AOX1: variants seen among roughly 807,000 people sequenced by gnomAD.
AOX1 encodes the protein aldehyde oxidase.
In AOX1, 153 loss-of-function variants were observed where a neutral mutation model predicts 169.5. That is an observed-to-expected ratio of 0.90 (90% confidence interval 0.79 to 1.03). The LOEUF (loss-of-function observed/expected upper bound fraction) is 1.03. Ranked by LOEUF, AOX1 falls within the 50% of genes least tolerant of loss-of-function variation. The pLI, the probability that AOX1 is intolerant of heterozygous loss-of-function variation, is 0.00. For missense variants in AOX1, 1,656 were observed against 1,663.9 expected, an observed-to-expected ratio of 1.00 and a Z score of 0.08; for synonymous variants, 562 against 581.9, an observed-to-expected ratio of 0.97 and a Z score of 0.49.
chr2:200,662,784 G>T, intron 30 of AOX1, 71 bp from the exon 31 acceptor site: 1 of 1,189,942 alleles, frequency 8.4e-7, no homozygotes. Context: ...AAATCCTCAT[G>T]GGTCTGTTTA....
intron 5 of AOX1, among the ~76,000 whole-genome samples, chr2:200,600,430 C>T (rs1421524764): frequency 2.6e-5 from 4 of 152,078 alleles, no homozygotes; most frequent in Non-Finnish European, 4.4e-5. Flanking sequence ...TGTCTATCCA[C>T]CCTAGAGCGT....
rs753918724 is a variant in AOX1, at chr2:200,612,801, A to T, written c.1448+8A>T. On this transcript the variant is annotated splice_region_variant and intron_variant, in intron 14 of 34. Transcript: ENST00000374700. ...CCAGAAACTCATTGGAAGGTAAGGC[A>T]TTAGAAGTAAGGGCTCCTCTAATAC... 5 of 1,611,892 alleles carry T rather than the reference A, an allele frequency of 3.1e-6. No individual in the cohort carries two copies. The highest frequency in any genetic ancestry group is 3.4e-6 in the Non-Finnish European group (4 of 1,178,944).
At chr2:200,591,002 TAC>T (rs2034160853) in intron 1 of AOX1, among the ~76,000 whole-genome samples, 1 of 152,238 alleles carries the variant, frequency 6.6e-6, no homozygotes, top group South Asian at 2.1e-4. Flanking sequence ...ATAGACAACC[TAC>T]AGTTTCTGCC....
chr2:200,621,347 T>C, intron 18 of AOX1, 101 bp downstream of exon 18: 2 of 1,152,338 alleles, frequency 1.7e-6, no homozygotes, highest in East Asian at 2.4e-5. Flanking sequence ...CATGAAAGAC[T>C]CCAGTATTCT....
intron 19 of AOX1, among the ~76,000 whole-genome samples, chr2:200,625,431 C>G (rs185289002): frequency 1.4e-4 from 22 of 152,318 alleles, no homozygotes; most frequent in Non-Finnish European, 2.8e-4. Context: ...CCACTCCCCC[C>G]ACCCTCACCA....
chr2:200,631,391 G>C (rs150162163), intron 20 of AOX1, among the ~76,000 whole-genome samples: 1 of 152,298 alleles, frequency 6.6e-6, no homozygotes, highest in East Asian at 1.9e-4. Context: ...CTGTATAAAA[G>C]GATTTGCAAG....
At chr2:200,672,078 C>A (rs1425617466), downstream of AOX1, among the ~76,000 whole-genome samples, 1 of 152,146 alleles carries the variant, frequency 6.6e-6, no homozygotes, top group East Asian at 1.9e-4. Context: ...TCCATCTATA[C>A]AAAATGTCCA....
chr2:200,606,532 G>A (rs13391622), intron 10 of AOX1, among the ~76,000 whole-genome samples: 1,640 of 152,288 alleles, frequency 0.011, 39 homozygotes, highest in African/African-American at 0.037. Flanking sequence ...GTCAATGGTA[G>A]CTTGATGGGG....
intron 5 of AOX1, among the ~76,000 whole-genome samples, chr2:200,600,436 A>G (rs2034387959): frequency 6.6e-6 from 1 of 151,404 alleles, no homozygotes; most frequent in Admixed American, 6.6e-5. Flanking sequence ...TCCACCCTAG[A>G]GCGTTTTTGT....
At chr2:200,587,921 A>G (rs1195681269) in intron 1 of AOX1, among the ~76,000 whole-genome samples, 1 of 152,148 alleles carries the variant, frequency 6.6e-6, no homozygotes, top group African/African-American at 2.4e-5. Flanking sequence ...CAATCCACTT[A>G]TTTGTTAAGG....
rs138732167 is a variant in AOX1 at position 200,619,663 on chromosome 2, C to T, written c.1705-987C>T. Among the ~76,000 whole-genome samples the T allele has an allele frequency of 3.7e-3, 565 of 152,290 alleles. 6 individuals are homozygous for T. The highest frequency in any genetic ancestry group is 0.013 in the African/African-American group (538 of 41,550). On this transcript the variant is annotated intron_variant, in intron 16 of 34. Transcript: ENST00000374700. Reference sequence around the variant, plus strand: ...TTAATGTCTGCTTTGATTAATGAAACACATTTAAGGTATTTACAGAGCCAA... The same window carrying T: ...TTAATGTCTGCTTTGATTAATGAAATACATTTAAGGTATTTACAGAGCCAA...
downstream of AOX1, among the ~76,000 whole-genome samples, chr2:200,674,106 A>T (rs1286384590): frequency 6.6e-6 from 1 of 152,258 alleles, no homozygotes; most frequent in Non-Finnish European, 1.5e-5. Context: ...CCCCAGACAC[A>T]GTGGCCCACG....
intron 18 of AOX1, 92 bp downstream of exon 18, chr2:200,621,338 A>G: frequency 6.2e-6 from 8 of 1,286,912 alleles, no homozygotes; most frequent in Non-Finnish European, 8.6e-6. Flanking sequence ...TTGGCACACC[A>G]TGAAAGACTC....
In AOX1 at chr2:200,602,309, C is replaced by G. The variant is rs201619596; in HGVS notation, c.462C>G (p.Tyr154Ter). ...GTAACCTGTGCCGTTGCACTGGATACAGGCCCATAATTGATGCATGCAAGA... is the reference window on the plus strand; with the variant it reads ...GTAACCTGTGCCGTTGCACTGGATAGAGGCCCATAATTGATGCATGCAAGA... The part of the protein sequence containing the change: ...LGGNLCRCTG[Y>*]RPIIDACKTF... The change falls in exon 6 of 35, where the codon TAC becomes TAG. Residue 154 changes from tyrosine (Y) to a stop codon, truncating the protein, a stop_gained. Transcript: ENST00000374700. LOFTEE classifies it high-confidence loss of function. 8.1e-6 allele frequency: 13 copies of G among 1,613,928 alleles called. No homozygotes were observed. Among genetic ancestry groups the G allele is most frequent in the African/African-American group, 1.3e-5 (1 of 75,010 alleles).
At chr2:200,603,152 C>A in intron 6 of AOX1, 115 bp from the exon 7 acceptor site, 1 of 803,722 alleles carries the variant, frequency 1.2e-6, no homozygotes, top group Non-Finnish European at 2.0e-6. Context: ...GGCTCTCTTT[C>A]ATGGCATCTA....
At chr2:200,607,983 GGAAGGGAGAGCA>G (rs1454987225) in intron 10 of AOX1, among the ~76,000 whole-genome samples, 5 of 152,210 alleles carry the variant, frequency 3.3e-5, no homozygotes, top group African/African-American at 1.2e-4. Flanking sequence ...GGGGAGCAAG[GGAAGGGAGAGCA>G]TTAGGACAAA....
intron 7 of AOX1, 27 bp downstream of exon 7, chr2:200,603,383 G>A: frequency 6.4e-7 from 1 of 1,560,192 alleles, no homozygotes; most frequent in Non-Finnish European, 8.8e-7. Context: ...GCTTTTATAA[G>A]GCTTTCTCAG....
chr2:200,597,034 T>C (rs2034297727), intron 3 of AOX1, among the ~76,000 whole-genome samples: 1 of 152,204 alleles, frequency 6.6e-6, no homozygotes, highest in Non-Finnish European at 1.5e-5. Context: ...AATGGAGACC[T>C]GGCCTGCCAT....
intron 25 of AOX1, among the ~76,000 whole-genome samples, chr2:200,649,423 C>T (rs2035533983): frequency 1.3e-5 from 2 of 152,200 alleles, no homozygotes; most frequent in African/African-American, 4.8e-5. Context: ...TCCCTTCCCC[C>T]TCACAGCTGG....
Sources: allele counts gnomAD v4.1 joint callset (sites outside exome capture counted in the v4.1 genomes callset), GRCh38; gene constraint gnomAD v4.1.1; transcripts MANE v1.5; gene names NCBI Gene and HGNC (gene_info 2026-07-23, HGNC 2026-07-21).